CFHR5: variants seen among roughly 807,000 people sequenced by gnomAD.
CFHR5 encodes complement factor H-related protein 5.
Under a neutral mutation model 62.9 loss-of-function variants are expected in CFHR5, and 73 were observed. The observed-to-expected ratio is 1.16, with a 90% CI of 0.96 to 1.41. The LOEUF (loss-of-function observed/expected upper bound fraction) is 1.41. Among genes scored for constraint, CFHR5 ranks in the 40% most tolerant of loss-of-function variants. CFHR5 has a pLI of 0.00. For synonymous variants in CFHR5, 249 were observed against 227.2 expected (o/e 1.10, Z -0.86); for missense variants, 779 against 679.9 (o/e 1.15, Z -1.62).
At chr1:196,999,742 TAC>T (rs369590384) in intron 7 of CFHR5, among the ~76,000 whole-genome samples, 5 of 122,790 alleles carry the variant, frequency 4.1e-5, no homozygotes, top group African/African-American at 1.5e-4. Flanking sequence ...CACATATATA[TAC>T]ACACACATAT....
chr1:196,990,287 G>A (rs1006798709), intron 3 of CFHR5, among the ~76,000 whole-genome samples: 5 of 151,850 alleles, frequency 3.3e-5, no homozygotes, highest in Non-Finnish European at 4.4e-5. Context: ...ATAGGTCTCC[G>A]GAATACAGCA....
rs775382826 is a variant in CFHR5, at chr1:197,008,446, A to G, written c.1514-41A>G. On this transcript the variant is annotated intron_variant, in intron 9 of 9. Coordinates refer to ENST00000256785, the MANE Select transcript of CFHR5 (RefSeq NM_030787.4). ...ACTATTCTATGAAAGGTAAAGATGT[A>G]TTATTATTTATTTATTTTATTTTAC... 12 of 1,230,546 alleles carry G rather than the reference A, an allele frequency of 9.8e-6. 1 individual carries two copies. In the South Asian group the frequency reaches 1.2e-4, roughly 13 times the overall value. The allele number at this position is 1,230,546 out of a possible 1,614,324, so 76.2% of individuals were successfully genotyped here.
chr1:196,980,935 A>C (rs1271388237), intron 1 of CFHR5, among the ~76,000 whole-genome samples: 1 of 152,158 alleles, frequency 6.6e-6, no homozygotes, highest in Non-Finnish European at 1.5e-5. Flanking sequence ...TGATATTTAA[A>C]AGGAGTTATG....
chr1:196,985,493 C>CAA (rs796371065), intron 3 of CFHR5, among the ~76,000 whole-genome samples: 12 of 136,686 alleles, frequency 8.8e-5, no homozygotes, highest in Middle Eastern at 7.2e-3. Context: ...TTAACATTTG[C>CAA]AAAAAAAAAA....
Position 196,983,080 on chromosome 1 carries a change from G to A in CFHR5, c.253+1G>A, listed in dbSNP as rs1653584407. On this transcript the variant is annotated splice_donor_variant, in intron 2 of 9. Coordinates refer to ENST00000256785, the MANE Select transcript of CFHR5 (RefSeq NM_030787.4). LOFTEE classifies it high-confidence loss of function. ...TGGTCACCAACACCGAAGTGTCTCA[G>A]TGAGTAAATGCCCTGTTCATTAAAT... The A allele has an allele frequency of 3.1e-6, 5 of 1,613,924 alleles. No homozygotes were observed. Among genetic ancestry groups the A allele is most frequent in the Non-Finnish European group, 4.2e-6 (5 of 1,179,938 alleles).
Position 196,984,116 on chromosome 1 carries a change from C to T in CFHR5, c.409C>T (p.Pro137Ser). Residue 137 changes from proline to serine, a missense_variant, in exon 3 of 10, where the codon CCT (proline) becomes TCT (serine). Physicochemically the swap from Pro to Ser is moderately conservative, Grantham distance 74. Transcript: ENST00000256785. Reference protein sequence around the residue: ...ISCVERGWSTPPICSFTKGEC... With the variant: ...ISCVERGWSTSPICSFTKGEC... ...GTGTGTAGAACGGGGCTGGTCCACTCCTCCCATATGCAGCTTCACTAGTAA... is the reference window on the plus strand; with the variant it reads ...GTGTGTAGAACGGGGCTGGTCCACTTCTCCCATATGCAGCTTCACTAGTAA... 6.2e-7 allele frequency: 1 copy of T among 1,610,994 alleles called. No individual in the cohort carries two copies. Among genetic ancestry groups the T allele is most frequent in the Non-Finnish European group, 8.5e-7 (1 of 1,178,618 alleles).
At chr1:196,981,567 A>C (rs1172963986) in intron 1 of CFHR5, among the ~76,000 whole-genome samples, 2 of 152,002 alleles carry the variant, frequency 1.3e-5, no homozygotes, top group Non-Finnish European at 2.9e-5. Flanking sequence ...CATTTTCTAC[A>C]TTGTTTTACC....
chr1:197,003,777 C>T (rs948751529), intron 8 of CFHR5, among the ~76,000 whole-genome samples: 27 of 151,784 alleles, frequency 1.8e-4, no homozygotes, highest in African/African-American at 4.6e-4. Context: ...AGGCAGTTAC[C>T]GGATAGAAGA....
intron 4 of CFHR5, 25 bp from the exon 5 acceptor site, chr1:196,995,692 A>C (rs1558287261): frequency 6.3e-7 from 1 of 1,590,782 alleles, no homozygotes; most frequent in Non-Finnish European, 8.6e-7. Flanking sequence ...CCATTTAAGC[A>C]TTATTTATGG....
At chr1:196,987,604 A>G (rs1281317002) in intron 3 of CFHR5, among the ~76,000 whole-genome samples, 2 of 152,156 alleles carry the variant, frequency 1.3e-5, no homozygotes, top group Non-Finnish European at 2.9e-5. Context: ...TCCCAGCACC[A>G]TTTATTAAAT....
At chr1:196,994,579 T>C (rs912680307) in intron 4 of CFHR5, among the ~76,000 whole-genome samples, 4 of 152,202 alleles carry the variant, frequency 2.6e-5, no homozygotes, top group Non-Finnish European at 5.9e-5. Context: ...CGAACAATGT[T>C]ATATTTTATT....
At chr1:197,006,786 G>A (rs1654299932) in intron 9 of CFHR5, among the ~76,000 whole-genome samples, 3 of 151,854 alleles carry the variant, frequency 2.0e-5, no homozygotes, top group Admixed American at 1.3e-4. Context: ...ATTGAATGAA[G>A]TAGGGAGCCA....
At chr1:196,994,371 A>C in intron 4 of CFHR5, 115 bp downstream of exon 4, 4 of 849,296 alleles carry the variant, frequency 4.7e-6, no homozygotes, top group Non-Finnish European at 7.8e-6. Context: ...TAAAATGGCA[A>C]AGGAGAAAGG....
At chr1:196,999,703 A>ATG (rs1654083585) in intron 7 of CFHR5, among the ~76,000 whole-genome samples, 1 of 51,678 alleles carries the variant, frequency 1.9e-5, no homozygotes, top group Non-Finnish European at 4.2e-5. Flanking sequence ...ATATATATAT[A>ATG]TATATATATA....
intron 3 of CFHR5, among the ~76,000 whole-genome samples, chr1:196,987,250 T>C (rs1653714775): frequency 6.6e-6 from 1 of 152,236 alleles, no homozygotes; most frequent in Non-Finnish European, 1.5e-5. Flanking sequence ...CTTTGTAGAT[T>C]CTGGCTATCA....
chr1:196,990,977 T>C (rs1163190478), intron 3 of CFHR5, among the ~76,000 whole-genome samples: 1 of 152,166 alleles, frequency 6.6e-6, no homozygotes, highest in East Asian at 1.9e-4. Flanking sequence ...CTTGATTCCA[T>C]TATCGCCCTC....
rs1308104379 is a variant in CFHR5, at chr1:196,994,175, A to G, written c.526A>G (p.Arg176Gly). ...TGGAGACGTGTTGAAATTCTCCTGCAGAAAAAATCTTATAAGAGTTGGATC... is the reference window on the plus strand; with the variant it reads ...TGGAGACGTGTTGAAATTCTCCTGCGGAAAAAATCTTATAAGAGTTGGATC... Reference protein sequence around the residue: ...KVGDVLKFSCRKNLIRVGSDS... With the variant: ...KVGDVLKFSCGKNLIRVGSDS... The change falls in exon 4 of 10, where the codon AGA (arginine) becomes GGA (glycine). Residue 176 changes from arginine (R) to glycine (G), a missense_variant. Coordinates refer to ENST00000256785, the MANE Select transcript of CFHR5 (RefSeq NM_030787.4). 2.5e-6 allele frequency: 4 copies of G among 1,613,530 alleles called. No homozygotes were observed. Among genetic ancestry groups the G allele is most frequent in the Non-Finnish European group, 3.4e-6 (4 of 1,179,776 alleles).
At chr1:196,982,392 T>G (rs1369582803) in intron 1 of CFHR5, among the ~76,000 whole-genome samples, 6 of 152,150 alleles carry the variant, frequency 3.9e-5, no homozygotes, top group Non-Finnish European at 8.8e-5. Flanking sequence ...ACCTCGTCGG[T>G]CCGGCATGGT....
chr1:196,996,788 T>C (rs1571523265), intron 6 of CFHR5, among the ~76,000 whole-genome samples: 1 of 152,014 alleles, frequency 6.6e-6, no homozygotes. Flanking sequence ...CTCTTTCTGG[T>C]CCCATAATTC....
Sources: allele counts gnomAD v4.1 joint callset (sites outside exome capture counted in the v4.1 genomes callset), GRCh38; gene constraint gnomAD v4.1.1; transcripts MANE v1.5; gene names NCBI Gene and HGNC (gene_info 2026-07-23, HGNC 2026-07-21).